KIF18A: variants seen among roughly 807,000 people sequenced by gnomAD.
KIF18A encodes the protein kinesin family member 18A.
A neutral mutation model predicts 103.3 loss-of-function variants in KIF18A; 67 were observed. That is an observed-to-expected ratio of 0.65 (90% CI 0.53 to 0.79). KIF18A has a LOEUF of 0.79. KIF18A is among the 30% of genes least tolerant of loss of function. The pLI, the probability that KIF18A is intolerant of heterozygous loss-of-function variation, is 0.00. For missense variants in KIF18A, 1,032 were observed against 1,062.5 expected (o/e 0.97, Z 0.40); for synonymous variants, 367 against 355.5 (o/e 1.03, Z -0.36).
intron 13 of KIF18A, among the ~76,000 whole-genome samples, chr11:28,051,352 T>C (rs1426846728): frequency 2.0e-5 from 3 of 151,610 alleles, no homozygotes; most frequent in African/African-American, 7.3e-5. Flanking sequence ...GGTGAAACAA[T>C]AGAGTAGAAA....
intron 10 of KIF18A, 149 bp downstream of exon 10, chr11:28,076,858 C>G: frequency 2.5e-6 from 1 of 403,104 alleles, no homozygotes; most frequent in Non-Finnish European, 4.2e-6. Context: ...TGCTTGAATC[C>G]GGAAGGCAGA....
intron 13 of KIF18A, among the ~76,000 whole-genome samples, chr11:28,041,894 A>C (rs1850565459): frequency 2.0e-5 from 3 of 151,842 alleles, no homozygotes; most frequent in Admixed American, 1.3e-4. Context: ...TGCTCCATAA[A>C]ACCATGAACC....
intron 12 of KIF18A, among the ~76,000 whole-genome samples, chr11:28,061,098 C>G: frequency 6.6e-6 from 1 of 152,186 alleles, no homozygotes. Context: ...TAATGAATCA[C>G]TGAACCTGAA....
intron 13 of KIF18A, among the ~76,000 whole-genome samples, chr11:28,042,842 T>C (rs1171761704): frequency 6.6e-6 from 1 of 151,644 alleles, no homozygotes; most frequent in Non-Finnish European, 1.5e-5. Flanking sequence ...ATGTTGGTAA[T>C]GGGAAAACAT....
chr11:28,092,150 G>A lies in KIF18A; in HGVS notation c.484-637C>T, dbSNP rs1478275329. On this transcript the variant is annotated intron_variant, in intron 3 of 16. Coordinates refer to ENST00000263181, the MANE Select transcript of KIF18A (RefSeq NM_031217.4). ...TTTTCAGGAAATGTATGGAACACAC[G>A]GTACTGGGAAACTCTGGGAAATGCA... is the stretch of plus-strand genomic sequence containing the variant. 3.9e-5 allele frequency among the ~76,000 whole-genome samples: 6 copies of A among 152,128 alleles called. No homozygotes were observed. The South Asian group carries it at 6.2e-4, about 16-fold the overall frequency.
Position 28,044,516 on chromosome 11 carries a change from TA to T in KIF18A, c.1949-7853del, listed in dbSNP as rs543736116. 3.1e-4 allele frequency among the ~76,000 whole-genome samples: 47 copies of T among 152,204 alleles called. No homozygotes were observed. The South Asian group carries it at 9.7e-3, about 32-fold the overall frequency. ...TTATATGATGCTTTAAGGCATCCTATAAAAAACTGAAAGTATGCGTTTCAGG... is the reference window on the plus strand; with the variant it reads ...TTATATGATGCTTTAAGGCATCCTATAAAAACTGAAAGTATGCGTTTCAGG... On this transcript the variant is annotated intron_variant, in intron 13 of 16. Coordinates refer to ENST00000263181, the MANE Select transcript of KIF18A (RefSeq NM_031217.4).
chr11:28,052,932 T>TA (rs1043289546), intron 13 of KIF18A, among the ~76,000 whole-genome samples: 5 of 151,888 alleles, frequency 3.3e-5, no homozygotes, highest in Admixed American at 6.6e-5. Flanking sequence ...ACTCTTCAAT[T>TA]AAAAAAAACA....
chr11:28,058,891 T>C (rs1475782814), intron 13 of KIF18A, 35 bp downstream of exon 13: 4 of 1,465,484 alleles, frequency 2.7e-6, no homozygotes, highest in East Asian at 2.3e-5. Flanking sequence ...TTAGAAATAA[T>C]GTTACTATTT....
intron 10 of KIF18A, 170 bp downstream of exon 10, chr11:28,076,826 TGGGAGGCTGAG>T (rs1456413835): frequency 2.8e-6 from 1 of 362,060 alleles, no homozygotes; most frequent in East Asian, 5.6e-5. Flanking sequence ...ACCAGCTAGC[TGGGAGGCTGAG>T]GCAGGAGAAT....
chr11:28,069,406 A>T lies in KIF18A; in HGVS notation c.1443T>A (p.Asp481Glu). The T allele has an allele frequency of 2.5e-6, 4 of 1,613,168 alleles. No individual in the cohort carries two copies. Among genetic ancestry groups the T allele is most frequent in the Non-Finnish European group, 2.5e-6 (3 of 1,179,658 alleles). ...DKVEKATGKRDHRLAMLKTRR... is the reference protein window; with the variant it reads ...DKVEKATGKREHRLAMLKTRR... ...GAGTTTTCAACATTGCAAGTCTATG[A>T]TCTCGTTTTCCAGTGGCCTGAAACA... The change falls in exon 11 of 17, where the codon GAT (aspartate) becomes GAA (glutamate). Residue 481 changes from aspartate (D) to glutamate (E), a missense_variant. Asp to Glu is a conservative substitution (Grantham distance 45). Transcript: ENST00000263181.
At chr11:28,098,221 G>T (rs936056177) in intron 1 of KIF18A, among the ~76,000 whole-genome samples, 7 of 151,782 alleles carry the variant, frequency 4.6e-5, no homozygotes, top group Admixed American at 3.3e-4. Context: ...CAATTAAATG[G>T]CACATACGTA....
chr11:28,097,878 T>C lies in KIF18A; in HGVS notation c.70A>G (p.Lys24Glu), dbSNP rs771736663. Residue 24 changes from lysine (K) to glutamate (E), a missense_variant, in exon 2 of 17, where the codon AAA becomes GAA. Coordinates refer to ENST00000263181, the MANE Select transcript of KIF18A (RefSeq NM_031217.4). ...VVVRVRPENT[K>E]EKAAGFHKVV... ...TTATGAAATCCAGCTGCTTTTTCTT[T>C]AGTGTTTTCCGGACGTACACGAACT... 3.7e-6 allele frequency: 6 copies of C among 1,611,104 alleles called. No homozygotes were observed. In the Admixed American group the frequency reaches 5.0e-5, roughly 14 times the overall value.
chr11:28,087,963 T>C (rs976986712), intron 6 of KIF18A, among the ~76,000 whole-genome samples: 19 of 152,200 alleles, frequency 1.2e-4, no homozygotes, highest in African/African-American at 4.3e-4. Context: ...AAATACACTG[T>C]GTTCTAGGTA....
chr11:28,049,576 A>G (rs1034470618), intron 13 of KIF18A, among the ~76,000 whole-genome samples: 15 of 151,976 alleles, frequency 9.9e-5, no homozygotes, highest in African/African-American at 3.6e-4. Flanking sequence ...GATGAATGGG[A>G]TTAGATCTAA....
intron 1 of KIF18A, among the ~76,000 whole-genome samples, chr11:28,104,167 T>C (rs1317061049): frequency 6.6e-6 from 1 of 152,226 alleles, no homozygotes; most frequent in Middle Eastern, 3.2e-3. Flanking sequence ...TTTTATTTAA[T>C]TCATTGATTG....
chr11:28,090,121 A>C (rs774886071), intron 5 of KIF18A, among the ~76,000 whole-genome samples: 1 of 152,178 alleles, frequency 6.6e-6, no homozygotes, highest in Non-Finnish European at 1.5e-5. Flanking sequence ...ACTAGAAACT[A>C]TAAGAAATAA....
In KIF18A at chr11:28,076,991, T is replaced by C. The variant is rs974037480; in HGVS notation, c.1425+16A>G. On this transcript the variant is annotated intron_variant, in intron 10 of 16. Coordinates refer to ENST00000263181, the MANE Select transcript of KIF18A (RefSeq NM_031217.4). ...TTTTATACTTTCTAAAATTTAATTA[T>C]AAAATTGTTAATTACCTTTTCTACT... The C allele has an allele frequency of 2.8e-5, 34 of 1,232,048 alleles. No homozygotes were observed. The highest frequency in any genetic ancestry group is 3.7e-5 in the Non-Finnish European group (34 of 914,946). The allele number at this position is 1,232,048 out of a possible 1,614,324, so 76.3% of individuals were successfully genotyped here.
chr11:28,075,671 G>C (rs1485482653), intron 10 of KIF18A, among the ~76,000 whole-genome samples: 2 of 152,020 alleles, frequency 1.3e-5, no homozygotes, highest in Non-Finnish European at 2.9e-5. Flanking sequence ...TTTGCTAAGA[G>C]TACTGAATCT....
At chr11:28,086,353 A>G (rs1428086588) in intron 6 of KIF18A, among the ~76,000 whole-genome samples, 7 of 152,216 alleles carry the variant, frequency 4.6e-5, no homozygotes, top group Non-Finnish European at 1.0e-4. Flanking sequence ...TCCTGAAATC[A>G]CTATAGTGTT....
Sources: gnomAD v4.1 joint callset for allele counts (sites outside exome capture counted in the v4.1 genomes callset) on GRCh38, gnomAD v4.1.1 for gene constraint, MANE v1.5 for transcripts, NCBI Gene and HGNC (gene_info 2026-07-23, HGNC 2026-07-21) for gene names.